The following RAMP1 variants were observed in gnomAD, a reference collection of about 807,000 sequenced individuals.
The protein encoded by RAMP1 is receptor activity-modifying protein 1.
A neutral mutation model predicts 8.2 loss-of-function variants in RAMP1; 7 were observed. The ratio of observed to expected loss-of-function variants is 0.85; its 90% CI spans 0.49 to 1.60. RAMP1 has a LOEUF of 1.60. Among genes scored for constraint, RAMP1 ranks in the 40% most tolerant of loss-of-function variants. RAMP1 has a pLI of 0.00. For synonymous variants in RAMP1, 92 were observed against 84.7 expected (o/e 1.09, Z -0.47); for missense variants, 192 against 202.4 (o/e 0.95, Z 0.31).
At chr2:237,869,713 T>C (rs535092875) in intron 1 of RAMP1, among the ~76,000 whole-genome samples, 1 of 152,250 alleles carries the variant, frequency 6.6e-6, no homozygotes. Flanking sequence ...ATCAGGCTGC[T>C]GTGAACATGG....
chr2:237,880,343 G>A (rs887757960), intron 2 of RAMP1, among the ~76,000 whole-genome samples: 24 of 152,130 alleles, frequency 1.6e-4, no homozygotes, highest in Non-Finnish European at 2.9e-4. Context: ...CATTGCCCCT[G>A]GCTGTTTTTG....
intron 2 of RAMP1, among the ~76,000 whole-genome samples, chr2:237,910,072 C>T (rs1178160384): frequency 1.3e-5 from 2 of 152,146 alleles, no homozygotes; most frequent in African/African-American, 4.8e-5. Context: ...GGTAAAGGCA[C>T]CTGCAGCCGT....
intron 1 of RAMP1, among the ~76,000 whole-genome samples, chr2:237,871,285 G>A (rs1034460085): frequency 6.6e-6 from 1 of 152,230 alleles, no homozygotes; most frequent in African/African-American, 2.4e-5. Context: ...CAGGGGCAGG[G>A]AGAGGAGGAG....
chr2:237,906,779 A>G (rs557456984), intron 2 of RAMP1, among the ~76,000 whole-genome samples: 1 of 142,692 alleles, frequency 7.0e-6, no homozygotes, highest in East Asian at 2.1e-4. Flanking sequence ...CTGGAGTGCA[A>G]TGGCGTGATC....
chr2:237,885,668 C>T (rs997835526), intron 2 of RAMP1, among the ~76,000 whole-genome samples: 2 of 152,184 alleles, frequency 1.3e-5, no homozygotes, highest in African/African-American at 4.8e-5. Context: ...GCCGAGGCCG[C>T]CCTCCCTGCC....
chr2:237,896,833 A>T (rs2062547236), intron 2 of RAMP1, among the ~76,000 whole-genome samples: 1 of 151,070 alleles, frequency 6.6e-6, no homozygotes, highest in Non-Finnish European at 1.5e-5. Flanking sequence ...TTGTGTAGAG[A>T]TGGGGGAGTC....
chr2:237,891,396 T>C (rs1013479853), intron 2 of RAMP1, among the ~76,000 whole-genome samples: 4 of 152,230 alleles, frequency 2.6e-5, no homozygotes, highest in South Asian at 2.1e-4. Context: ...GTGATCCGCC[T>C]GCCTCGGCCT....
chr2:237,882,304 G>A (rs996427996), intron 2 of RAMP1, among the ~76,000 whole-genome samples: 1 of 152,150 alleles, frequency 6.6e-6, no homozygotes, highest in African/African-American at 2.4e-5. Context: ...GGTCCTCACC[G>A]CCTGCTGAAT....
chr2:237,868,688 G>A (rs375510861), intron 1 of RAMP1, among the ~76,000 whole-genome samples: 87 of 152,056 alleles, frequency 5.7e-4, no homozygotes, highest in African/African-American at 1.8e-3. Flanking sequence ...GGAATGAAAC[G>A]TCATCGGTTC....
At chr2:237,891,289 T>C (rs2062485921) in intron 2 of RAMP1, among the ~76,000 whole-genome samples, 1 of 152,108 alleles carries the variant, frequency 6.6e-6, no homozygotes, top group South Asian at 2.1e-4. Flanking sequence ...TAGCTGGGAC[T>C]ACAGGCGCCC....
chr2:237,888,597 A>G (rs528511803), intron 2 of RAMP1, among the ~76,000 whole-genome samples: 1 of 152,338 alleles, frequency 6.6e-6, no homozygotes, highest in South Asian at 2.1e-4. Flanking sequence ...TCTCAAGTGC[A>G]AGTTACGTCA....
chr2:237,905,250 G>A (rs1020985132), intron 2 of RAMP1, among the ~76,000 whole-genome samples: 5 of 152,230 alleles, frequency 3.3e-5, no homozygotes, highest in African/African-American at 4.8e-5. Flanking sequence ...GCAGAAGAAT[G>A]TCTGTACTCT....
At chr2:237,881,687 C>G (rs1199016023) in intron 2 of RAMP1, among the ~76,000 whole-genome samples, 1 of 152,174 alleles carries the variant, frequency 6.6e-6, no homozygotes, top group Non-Finnish European at 1.5e-5. Context: ...GAACATCTTT[C>G]GTATGTTTAC....
Position 237,877,141 on chromosome 2 carries a change from G to C in RAMP1, c.53-83G>C. ...GAGGCCCCGTTCTCGTGGAGTCCGG[G>C]CTGCAGGGGCGCGCGGGCTGGCGGT... On this transcript the variant is annotated intron_variant, in intron 1 of 2. Transcript: ENST00000254661. This position sits in a 1 kb window ranked among gnomAD's most constrained non-coding sequence, Gnocchi z 4.4. The C allele has an allele frequency of 6.3e-7, 1 of 1,588,350 alleles. No homozygotes were observed. The highest frequency in any genetic ancestry group is 8.6e-7 in the Non-Finnish European group (1 of 1,165,474).
At chr2:237,903,328 A>G (rs1003934005) in intron 2 of RAMP1, among the ~76,000 whole-genome samples, 4 of 152,218 alleles carry the variant, frequency 2.6e-5, no homozygotes, top group African/African-American at 9.7e-5. Flanking sequence ...CATCACTGTT[A>G]TCTATATTTC....
chr2:237,888,168 C>T (rs2062453665), intron 2 of RAMP1, among the ~76,000 whole-genome samples: 1 of 152,106 alleles, frequency 6.6e-6, no homozygotes, highest in Non-Finnish European at 1.5e-5. Flanking sequence ...ATTCTCCTGC[C>T]TCAGCCTCCC....
rs2062313612 is a variant in RAMP1, at chr2:237,877,108, G to T, written c.53-116G>T. ...GGAGCCACAGTCGCCCTCTCCAGGG[G>T]TTGCTTAGAGGCCCCGTTCTCGTGG... On this transcript the variant is annotated intron_variant, in intron 1 of 2. Coordinates refer to ENST00000254661, the MANE Select transcript of RAMP1 (RefSeq NM_005855.4). This position sits in a 1 kb window ranked among gnomAD's most constrained non-coding sequence, Gnocchi z 4.4. 2 of 1,336,396 alleles carry T rather than the reference G, an allele frequency of 1.5e-6. No individual in the cohort carries two copies. Among genetic ancestry groups the T allele is most frequent in the Middle Eastern group, 1.9e-4 (1 of 5,218 alleles). The allele number at this position is 1,336,396 out of a possible 1,614,324, so 82.8% of individuals were successfully genotyped here.
At position 237,877,299 on chromosome 2, in the gene RAMP1, A is replaced by G. The variant is rs1215314379; in HGVS notation, c.128A>G (p.Gln43Arg). The G allele has an allele frequency of 2.5e-6, 4 of 1,614,058 alleles. No individual in the cohort carries two copies. The highest frequency in any genetic ancestry group is 2.2e-5 in the South Asian group (2 of 91,088). ...CTCCTCCGGGAGCTCTGCCTCACCC[A>G]GTTCCAGGTAGACATGGAGGCCGTC... ...GALLRELCLT[Q>R]FQVDMEAVGE... is the part of the protein sequence containing the mutation. Residue 43 changes from glutamine to arginine, a missense_variant, in exon 2 of 3, where the codon CAG becomes CGG. By Grantham distance (43) the Gln-to-Arg change is conservative. Coordinates refer to ENST00000254661, the MANE Select transcript of RAMP1 (RefSeq NM_005855.4). The surrounding 1 kb of genome is among the most constrained non-coding windows in gnomAD (Gnocchi z 4.4).
At chr2:237,893,586 A>G (rs1034691805) in intron 2 of RAMP1, among the ~76,000 whole-genome samples, 38 of 151,978 alleles carry the variant, frequency 2.5e-4, no homozygotes, top group Non-Finnish European at 5.1e-4. Flanking sequence ...TTCCAGATAC[A>G]TTTTTCCAGA....
Sources: allele counts gnomAD v4.1 joint callset (sites outside exome capture counted in the v4.1 genomes callset), GRCh38; gene constraint gnomAD v4.1.1; non-coding constraint Gnocchi (gnomAD v3.1); transcripts MANE v1.5; gene names NCBI Gene and HGNC (gene_info 2026-07-23, HGNC 2026-07-21).